ARMH3: variants seen among roughly 807,000 people sequenced by gnomAD.
ARMH3 encodes armadillo like helical domain containing 3.
In ARMH3, 60 loss-of-function variants were observed where a neutral mutation model predicts 99.1. The observed-to-expected ratio is 0.61, with a 90% CI of 0.49 to 0.75. The LOEUF is 0.75. Ranked by LOEUF, ARMH3 falls within the 30% of genes least tolerant of loss-of-function variation. The pLI, the probability that ARMH3 is intolerant of heterozygous loss-of-function variation, is 0.00. For missense variants in ARMH3, 679 were observed against 843.1 expected (o/e 0.81, Z 2.41); for synonymous variants, 285 against 292.8 (o/e 0.97, Z 0.27).
At position 101,993,571 on chromosome 10, in the gene ARMH3, G is replaced by A. The variant is rs1449686075; in HGVS notation, c.1242C>T (p.Asp414=). The change falls in exon 17 of 26, where the codon GAC becomes GAT. Residue 414 remains aspartate (D), a synonymous_variant. Coordinates refer to ENST00000370033, the MANE Select transcript of ARMH3 (RefSeq NM_024541.3). ...DQYANAFLHD[D]NMNFRVNLHR... Reference sequence around the variant, plus strand: ...GTAAGTTTACTCGAAAATTCATGTTGTCATCATGCAAAAATGCATTGGCAT... The same window carrying A: ...GTAAGTTTACTCGAAAATTCATGTTATCATCATGCAAAAATGCATTGGCAT... The A allele has an allele frequency of 6.2e-7, 1 of 1,601,442 alleles. No homozygotes were observed.
intron 19 of ARMH3, 25 bp from the exon 20 acceptor site, chr10:101,975,325 A>C: frequency 6.3e-7 from 1 of 1,587,788 alleles, no homozygotes; most frequent in Non-Finnish European, 8.6e-7. Context: ...GCAAAAAATG[A>C]GGGTAAGCCT....
intron 2 of ARMH3, among the ~76,000 whole-genome samples, chr10:102,035,887 C>G (rs2067245864): frequency 6.6e-6 from 1 of 151,722 alleles, no homozygotes; most frequent in Admixed American, 6.6e-5. Flanking sequence ...GTGAGGAGCC[C>G]CTCTGCCCAG....
chr10:101,966,285 G>GT (rs34196495), intron 20 of ARMH3, among the ~76,000 whole-genome samples: 1,107 of 80,534 alleles, frequency 0.014, 51 homozygotes, highest in African/African-American at 0.02. Flanking sequence ...TTTGGTTTGG[G>GT]TTTTTTTTTT....
At chr10:101,939,080 A>G (rs1211039572) in intron 23 of ARMH3, among the ~76,000 whole-genome samples, 2 of 152,196 alleles carry the variant, frequency 1.3e-5, no homozygotes, top group African/African-American at 4.8e-5. Context: ...CATTACTATT[A>G]CTAGGAATGT....
At chr10:101,861,961 A>G (rs560477464) in intron 24 of ARMH3, among the ~76,000 whole-genome samples, 1 of 144,288 alleles carries the variant, frequency 6.9e-6, no homozygotes, top group African/African-American at 2.5e-5. Context: ...AGGCAGGAGA[A>G]TGGTGTGAAC....
chr10:101,997,699 G>A (rs1480027526), intron 15 of ARMH3, among the ~76,000 whole-genome samples: 2 of 151,950 alleles, frequency 1.3e-5, no homozygotes, highest in Non-Finnish European at 1.5e-5. Context: ...TGGGTGGTAG[G>A]TTCACATATG....
chr10:101,867,286 C>T (rs2067026221), intron 24 of ARMH3, among the ~76,000 whole-genome samples: 1 of 152,200 alleles, frequency 6.6e-6, no homozygotes, highest in Non-Finnish European at 1.5e-5. Flanking sequence ...TAAGGAACTG[C>T]CTTTTAAAGT....
intron 10 of ARMH3, 30 bp downstream of exon 10, chr10:102,012,802 AC>A (rs1211623251): frequency 1.9e-6 from 3 of 1,585,784 alleles, no homozygotes; most frequent in Non-Finnish European, 2.6e-6. Context: ...TGAAAATCAG[AC>A]CCCCTTCCAT....
chr10:101,948,208 T>C (rs187415969), intron 22 of ARMH3, among the ~76,000 whole-genome samples: 1 of 152,212 alleles, frequency 6.6e-6, no homozygotes, highest in East Asian at 1.9e-4. Flanking sequence ...GACAGACACT[T>C]TAAATATAAA....
At position 101,847,305 on chromosome 10, in the gene ARMH3, T is replaced by A; in HGVS notation, c.*223A>T. The A allele has an allele frequency of 2.0e-6, 1 of 502,054 alleles. No homozygotes were observed. Among genetic ancestry groups the A allele is most frequent in the East Asian group, 3.5e-5 (1 of 28,602 alleles). 31.1% of individuals were successfully genotyped at this position (502,054 alleles called of 1,614,324 possible). A position where few individuals can be genotyped will look rare whatever the true frequency, so the allele number is the denominator to read the frequency against. ...GGAAGTCCCCACATTCCTGGAGGCC[T>A]CTCCCCACTGTGCCCACCCATTCCT... On this transcript the variant is annotated 3_prime_UTR_variant, in exon 26 of 26. Coordinates refer to ENST00000370033, the MANE Select transcript of ARMH3 (RefSeq NM_024541.3).
intron 23 of ARMH3, among the ~76,000 whole-genome samples, chr10:101,903,292 T>C (rs1010293560): frequency 1.8e-4 from 27 of 152,212 alleles, no homozygotes; most frequent in Non-Finnish European, 3.8e-4. Context: ...CTCTTGATAA[T>C]TCAGTTTGTT....
chr10:101,992,596 C>T (rs1037108717), intron 17 of ARMH3, among the ~76,000 whole-genome samples: 6 of 151,578 alleles, frequency 4.0e-5, no homozygotes, highest in South Asian at 4.2e-4. Flanking sequence ...CCTGGATTCG[C>T]GCCATTCTCC....
At chr10:102,011,807 A>G (rs754627711) in intron 10 of ARMH3, 24 bp from the exon 11 acceptor site, 3 of 1,574,364 alleles carry the variant, frequency 1.9e-6, no homozygotes, top group Non-Finnish European at 2.6e-6. Context: ...ACTAAATTCA[A>G]CTTTAGGATT....
At chr10:101,913,397 T>C (rs918349661) in intron 23 of ARMH3, 4 of 139,330 alleles carry the variant, frequency 2.9e-5, no homozygotes, top group African/African-American at 1.1e-4. Flanking sequence ...ACAGGGTCTC[T>C]CTCTATTGCC....
chr10:101,873,108 A>G (rs2067171146), intron 24 of ARMH3, among the ~76,000 whole-genome samples: 1 of 151,960 alleles, frequency 6.6e-6, no homozygotes, highest in Non-Finnish European at 1.5e-5. Flanking sequence ...ACCACTTTTG[A>G]AAACAGCGTG....
intron 23 of ARMH3, chr10:101,889,736 C>T (rs944212900): frequency 4.0e-5 from 17 of 428,510 alleles, no homozygotes; most frequent in Middle Eastern, 6.3e-4. Context: ...AATGAACTAA[C>T]GGAAAAAACC....
chr10:101,913,922 GCAGGATTGTACC>G (rs1842971984), intron 23 of ARMH3, among the ~76,000 whole-genome samples: 1 of 152,186 alleles, frequency 6.6e-6, no homozygotes, highest in African/African-American at 2.4e-5. Flanking sequence ...CTCGGGTACA[GCAGGATTGTACC>G]CTGGCCTTCA....
intron 14 of ARMH3, 94 bp downstream of exon 14, chr10:102,006,446 C>T: frequency 7.2e-7 from 1 of 1,385,622 alleles, no homozygotes; most frequent in Non-Finnish European, 1.0e-6. Flanking sequence ...GAAAAATTAA[C>T]AACTACGTAG....
chr10:101,915,994 C>T (rs1843070590), intron 23 of ARMH3, among the ~76,000 whole-genome samples: 2 of 151,792 alleles, frequency 1.3e-5, no homozygotes, highest in Admixed American at 6.6e-5. Context: ...TTAGTAGAGA[C>T]GGGGTTTCAC....
Sources: gnomAD v4.1 joint callset for allele counts (sites outside exome capture counted in the v4.1 genomes callset) on GRCh38, gnomAD v4.1.1 for gene constraint, MANE v1.5 for transcripts, NCBI Gene and HGNC (gene_info 2026-07-23, HGNC 2026-07-21) for gene names.